TRABD2B: variants seen among roughly 807,000 people sequenced by gnomAD.
TRABD2B encodes the protein metalloprotease TIKI2.
In TRABD2B, 14 loss-of-function variants were observed where a neutral mutation model predicts 40.1. The observed-to-expected ratio is 0.35, with a 90% CI of 0.23 to 0.55. The LOEUF is 0.55. TRABD2B is among the 20% of genes least tolerant of loss of function. The probability of loss-of-function intolerance (pLI) is 0.90; values close to 1 mark genes in which losing one functional copy is unlikely to be tolerated. For synonymous variants in TRABD2B, 263 were observed against 277.0 expected (o/e 0.95, Z 0.50); for missense variants, 541 against 648.6 (o/e 0.83, Z 1.80).
intron 2 of TRABD2B, among the ~76,000 whole-genome samples, chr1:47,913,767 C>T (rs1156331956): frequency 6.6e-6 from 1 of 152,178 alleles, no homozygotes; most frequent in Non-Finnish European, 1.5e-5. Context: ...TTGAAAACAT[C>T]AGGAAAAGTA....
At chr1:47,842,624 A>G (rs983243244) in intron 2 of TRABD2B, among the ~76,000 whole-genome samples, 2 of 152,054 alleles carry the variant, frequency 1.3e-5, no homozygotes, top group African/African-American at 4.8e-5. Flanking sequence ...CAGTGTGGGC[A>G]CTCACTTGGG....
intron 2 of TRABD2B, among the ~76,000 whole-genome samples, chr1:47,982,160 A>C (rs1645849771): frequency 6.6e-6 from 1 of 152,202 alleles, no homozygotes; most frequent in Admixed American, 6.5e-5. Flanking sequence ...CCATCAGACC[A>C]ACCAACAACC....
intron 4 of TRABD2B, among the ~76,000 whole-genome samples, chr1:47,785,462 C>T (rs570665953): frequency 6.6e-6 from 1 of 152,350 alleles, no homozygotes; most frequent in African/African-American, 2.4e-5. Context: ...TGTTAGAACG[C>T]AGGACGTCAG....
At chr1:47,766,816 G>T (rs1644310216) in intron 6 of TRABD2B, among the ~76,000 whole-genome samples, 2 of 152,330 alleles carry the variant, frequency 1.3e-5, no homozygotes, top group East Asian at 3.9e-4. Context: ...GATATGTTTA[G>T]TGAGAGGTGC....
chr1:47,926,121 T>C (rs1029253537), intron 2 of TRABD2B, among the ~76,000 whole-genome samples: 2 of 152,250 alleles, frequency 1.3e-5, no homozygotes, highest in Non-Finnish European at 2.9e-5. Context: ...AGTCACTTGT[T>C]TATTCTTATA....
intron 2 of TRABD2B, among the ~76,000 whole-genome samples, chr1:47,979,345 A>G (rs1416218500): frequency 6.6e-6 from 1 of 152,240 alleles, no homozygotes; most frequent in African/African-American, 2.4e-5. Context: ...CTTCCCACAA[A>G]GAACTTCAGT....
chr1:47,826,801 A>G (rs1184875611), intron 2 of TRABD2B, among the ~76,000 whole-genome samples: 7 of 152,146 alleles, frequency 4.6e-5, no homozygotes, highest in Non-Finnish European at 1.0e-4. Flanking sequence ...TCAAACTCCT[A>G]GCCTCAAGTG....
At chr1:47,931,850 G>A (rs1023596349) in intron 2 of TRABD2B, among the ~76,000 whole-genome samples, 2 of 152,166 alleles carry the variant, frequency 1.3e-5, no homozygotes, top group Non-Finnish European at 2.9e-5. Context: ...TTGTCACACG[G>A]CAATAGATAA....
At chr1:47,960,016 C>T (rs1645487886) in intron 2 of TRABD2B, among the ~76,000 whole-genome samples, 1 of 152,154 alleles carries the variant, frequency 6.6e-6, no homozygotes, top group African/African-American at 2.4e-5. Flanking sequence ...TTATCCACCA[C>T]GATCAAGCTG....
At position 47,982,339 on chromosome 1, in the gene TRABD2B, T is replaced by C. The variant is rs564932171; in HGVS notation, c.666+11695A>G. ...ACAGTTAACATTCATTAACTCTTACTGTGTGCCAGCCACTCAGCTGTGTGG... is the reference window on the plus strand; with the variant it reads ...ACAGTTAACATTCATTAACTCTTACCGTGTGCCAGCCACTCAGCTGTGTGG... On this transcript the variant is annotated intron_variant, in intron 2 of 6. Coordinates refer to ENST00000606738, the MANE Select transcript of TRABD2B (RefSeq NM_001194986.2). 3.3e-5 allele frequency among the ~76,000 whole-genome samples: 5 copies of C among 152,342 alleles called. No homozygotes were observed. In the East Asian group the frequency reaches 9.6e-4, roughly 29 times the overall value.
intron 2 of TRABD2B, among the ~76,000 whole-genome samples, chr1:47,909,796 C>CGT (rs1347041695): frequency 4.1e-5 from 1 of 24,586 alleles, no homozygotes; most frequent in East Asian, 1.4e-3. Flanking sequence ...CCATCCCCCC[C>CGT]CCCCTTCCTC....
chr1:47,867,418 A>C (rs547419657), intron 2 of TRABD2B, among the ~76,000 whole-genome samples: 5 of 152,174 alleles, frequency 3.3e-5, no homozygotes, highest in Non-Finnish European at 5.9e-5. Context: ...GAGCTTCAGA[A>C]GGGGCTGCTA....
chr1:47,924,408 C>G (rs768198479), intron 2 of TRABD2B, among the ~76,000 whole-genome samples: 1 of 152,206 alleles, frequency 6.6e-6, no homozygotes, highest in Non-Finnish European at 1.5e-5. Context: ...ACCTGATGCT[C>G]AGAACGTGGA....
intron 2 of TRABD2B, among the ~76,000 whole-genome samples, chr1:47,947,173 C>A (rs1645270876): frequency 6.6e-6 from 1 of 152,198 alleles, no homozygotes; most frequent in African/African-American, 2.4e-5. Flanking sequence ...AAGCCTGGTT[C>A]AAAGCTTATG....
chr1:47,797,939 C>T (rs955260826), intron 3 of TRABD2B, among the ~76,000 whole-genome samples: 3 of 152,100 alleles, frequency 2.0e-5, no homozygotes, highest in African/African-American at 7.2e-5. Context: ...ACCCATGAAC[C>T]ATGTCAGGTC....
intron 2 of TRABD2B, among the ~76,000 whole-genome samples, chr1:47,815,067 G>C (rs1326288088): frequency 6.6e-6 from 1 of 152,224 alleles, no homozygotes; most frequent in African/African-American, 2.4e-5. Context: ...AATAAGGCAA[G>C]AACAAGGGAT....
intron 2 of TRABD2B, among the ~76,000 whole-genome samples, chr1:47,897,348 T>C (rs1235472878): frequency 6.6e-6 from 1 of 152,052 alleles, no homozygotes; most frequent in Admixed American, 6.6e-5. Flanking sequence ...TTTTGGGCCT[T>C]GTAGGCTGCT....
intron 2 of TRABD2B, among the ~76,000 whole-genome samples, chr1:47,927,442 G>A (rs934644411): frequency 2.0e-5 from 3 of 152,256 alleles, no homozygotes; most frequent in Admixed American, 2.0e-4. Context: ...GGAGCTGGCT[G>A]CAGGCACGTG....
In TRABD2B at chr1:47,775,377, G is replaced by A. The variant is rs1235986922; in HGVS notation, c.1142C>T (p.Thr381Ile). The change falls in exon 6 of 7, where the codon ACC becomes ATC. Residue 381 changes from threonine (T) to isoleucine (I), a missense_variant. Coordinates refer to ENST00000606738, the MANE Select transcript of TRABD2B (RefSeq NM_001194986.2). ...EGTSTSPAPV[T>I]PAAAVPEAPS... The stretch of plus-strand genomic sequence containing the variant: ...TGCTTCGGGGACAGCGGCAGCTGGG[G>A]TCACTGGGGCCGGGCTCGTCGAGGT... 8.1e-7 allele frequency: 1 copy of A among 1,237,824 alleles called. No individual in the cohort carries two copies. The allele number at this position is 1,237,824 out of a possible 1,614,324, so 76.7% of individuals were successfully genotyped here.
Sources: gnomAD v4.1 joint callset for allele counts (sites outside exome capture counted in the v4.1 genomes callset) on GRCh38, gnomAD v4.1.1 for gene constraint, MANE v1.5 for transcripts, NCBI Gene and HGNC (gene_info 2026-07-23, HGNC 2026-07-21) for gene names.